Variants in SV2B observed in about 807,000 individuals in gnomAD.
SV2B encodes the protein synaptic vesicle glycoprotein 2B.
SV2B carries 41 observed loss-of-function variants against 73.9 expected under a neutral mutation model. The ratio of observed to expected loss-of-function variants is 0.56; its 90% CI spans 0.43 to 0.72. The LOEUF (loss-of-function observed/expected upper bound fraction) is 0.72. Ranked by LOEUF, SV2B falls within the 30% of genes least tolerant of loss-of-function variation. The pLI, the probability that SV2B is intolerant of heterozygous loss-of-function variation, is 0.00. For missense variants in SV2B, 764 were observed against 857.8 expected (o/e 0.89, Z 1.37); for synonymous variants, 314 against 314.2 (o/e 1.00, Z 0.01).
Position 91,267,508 on chromosome 15 carries a change from G to C in SV2B, c.1120-47G>C. The C allele has an allele frequency of 6.5e-7, 1 of 1,533,168 alleles. No individual in the cohort carries two copies. Among genetic ancestry groups the C allele is most frequent in the Admixed American group, 1.7e-5 (1 of 58,558 alleles). The allele number at this position is 1,533,168 out of a possible 1,614,324, so 95.0% of individuals were successfully genotyped here. ...ATGAGCTCTTCGTGGGAGAAACAAA[G>C]TCACACATTGCTTTCTTTAACAATC... On this transcript the variant is annotated intron_variant, in intron 7 of 12. Transcript: ENST00000394232. This position sits in a 1 kb window ranked among gnomAD's most constrained non-coding sequence, Gnocchi z 4.3.
chr15:91,115,226 G>A lies in SV2B; in HGVS notation c.-392+14863G>A, dbSNP rs562517694. On this transcript the variant is annotated intron_variant, in intron 1 of 12. Coordinates refer to ENST00000394232, the MANE Select transcript of SV2B (RefSeq NM_001323032.3). The surrounding 1 kb of genome is among the most constrained non-coding windows in gnomAD (Gnocchi z 4.3). ...GAAAATTGGAGAGTTGTTGCTGAAA[G>A]AAGAGGACATGGGTCCTGAGCAGGC... is the stretch of plus-strand genomic sequence containing the variant. Among the ~76,000 whole-genome samples, 2 of 152,350 alleles carry A rather than the reference G, an allele frequency of 1.3e-5. No individual in the cohort carries two copies. The highest frequency in any genetic ancestry group is 3.9e-4 in the East Asian group (2 of 5,194).
chr15:91,197,690 C>G lies in SV2B; in HGVS notation c.-391-28183C>G, dbSNP rs914824934. 6.6e-6 allele frequency among the ~76,000 whole-genome samples: 1 copy of G among 152,122 alleles called. No homozygotes were observed. Among genetic ancestry groups the G allele is most frequent in the Non-Finnish European group, 1.5e-5 (1 of 68,036 alleles). ...CTCCATACATGTTACAGCAAAATCT[C>G]TAAAATATAATGTTGTGCTAAAAAG... On this transcript the variant is annotated intron_variant, in intron 1 of 12. Coordinates refer to ENST00000394232, the MANE Select transcript of SV2B (RefSeq NM_001323032.3). The surrounding 1 kb of genome is among the most constrained non-coding windows in gnomAD (Gnocchi z 4.9).
At chr15:91,163,257 T>G (rs76342490) in intron 1 of SV2B, among the ~76,000 whole-genome samples, 71,438 of 152,032 alleles carry the variant, frequency 0.47, 17,104 homozygotes, top group East Asian at 0.7. Context: ...AGCATGATTT[T>G]TAACCCTTTG....
chr15:91,262,299 G>C (rs2047937148), intron 6 of SV2B, among the ~76,000 whole-genome samples: 1 of 152,192 alleles, frequency 6.6e-6, no homozygotes, highest in South Asian at 2.1e-4. Flanking sequence ...CTGGCTTGGA[G>C]TAAGTGCTAC....
chr15:91,216,053 A>T (rs757728101), intron 1 of SV2B, among the ~76,000 whole-genome samples: 1 of 152,212 alleles, frequency 6.6e-6, no homozygotes, highest in Non-Finnish European at 1.5e-5. Context: ...TAGAAAATAG[A>T]TGGATGATTC....
chr15:91,209,570 A>C (rs997423725), intron 1 of SV2B, among the ~76,000 whole-genome samples: 8 of 152,206 alleles, frequency 5.3e-5, no homozygotes, highest in Admixed American at 2.0e-4. Context: ...CTATTAGCTG[A>C]GCTTGTCAGG....
At chr15:91,250,711 A>G (rs2047449508) in intron 2 of SV2B, among the ~76,000 whole-genome samples, 1 of 152,236 alleles carries the variant, frequency 6.6e-6, no homozygotes, top group Non-Finnish European at 1.5e-5. Flanking sequence ...AATCTCATTT[A>G]CAATAACATT....
intron 1 of SV2B, among the ~76,000 whole-genome samples, chr15:91,138,065 C>G (rs1230195451): frequency 2.6e-5 from 4 of 152,080 alleles, no homozygotes; most frequent in African/African-American, 4.8e-5. Flanking sequence ...TGAAGAAAGA[C>G]AAGATTTTAT....
chr15:91,104,276 G>A (rs1379615420), intron 1 of SV2B, among the ~76,000 whole-genome samples: 3 of 152,182 alleles, frequency 2.0e-5, no homozygotes, highest in Non-Finnish European at 2.9e-5. Context: ...GTGTCTGAGG[G>A]CTGGCTGCTT....
intron 1 of SV2B, among the ~76,000 whole-genome samples, chr15:91,165,352 A>G (rs570296711): frequency 6.6e-6 from 1 of 152,312 alleles, no homozygotes; most frequent in African/African-American, 2.4e-5. Flanking sequence ...TATTTTTTTA[A>G]AGGATGGTTG....
At chr15:91,107,799 T>C (rs1300412675) in intron 1 of SV2B, among the ~76,000 whole-genome samples, 1 of 151,978 alleles carries the variant, frequency 6.6e-6, no homozygotes, top group Non-Finnish European at 1.5e-5. Flanking sequence ...TTTGTAGAGG[T>C]GGGATCTTGC....
At chr15:91,114,679 T>A (rs1055459563) in intron 1 of SV2B, among the ~76,000 whole-genome samples, 4 of 152,164 alleles carry the variant, frequency 2.6e-5, no homozygotes, top group African/African-American at 9.7e-5. Context: ...AGCTTTATGA[T>A]GAGAATCACT....
chr15:91,213,063 G>T (rs2045920011), intron 1 of SV2B, among the ~76,000 whole-genome samples: 9 of 152,036 alleles, frequency 5.9e-5, no homozygotes, highest in Admixed American at 5.9e-4. Flanking sequence ...TGAGGCAAGA[G>T]AATCACTTGA....
chr15:91,227,724 C>G lies in SV2B; in HGVS notation c.451+1010C>G, dbSNP rs1258434464. 1.3e-5 allele frequency among the ~76,000 whole-genome samples: 2 copies of G among 152,200 alleles called. No homozygotes were observed. The highest frequency in any genetic ancestry group is 6.5e-5 in the Admixed American group (1 of 15,276). On this transcript the variant is annotated intron_variant, in intron 2 of 12. Coordinates refer to ENST00000394232, the MANE Select transcript of SV2B (RefSeq NM_001323032.3). This position sits in a 1 kb window ranked among gnomAD's most constrained non-coding sequence, Gnocchi z 4.5. ...TGGGAAGAAAATAGCTTTTGTCTCT[C>G]AAATAATTTGCATGTAGTTGAACAA... is the stretch of plus-strand genomic sequence containing the variant.
At chr15:91,165,818 A>T (rs2043893901) in intron 1 of SV2B, among the ~76,000 whole-genome samples, 1 of 152,222 alleles carries the variant, frequency 6.6e-6, no homozygotes, top group Non-Finnish European at 1.5e-5. Flanking sequence ...GTTTATCCAG[A>T]TATTACCATT....
rs966727884 is a variant in SV2B, at chr15:91,258,615, G to T, written c.918+61G>T. On this transcript the variant is annotated intron_variant, in intron 5 of 12. Coordinates refer to ENST00000394232, the MANE Select transcript of SV2B (RefSeq NM_001323032.3). This position sits in a 1 kb window ranked among gnomAD's most constrained non-coding sequence, Gnocchi z 4.7. ...AAAACAGCCACAGGAACCCAGCCTC[G>T]CTTCCTTCTCTCAGCTCCTAGTCCC... 3 of 1,606,092 alleles carry T rather than the reference G, an allele frequency of 1.9e-6. No homozygotes were observed. Among genetic ancestry groups the T allele is most frequent in the Non-Finnish European group, 2.6e-6 (3 of 1,176,112 alleles).
intron 2 of SV2B, among the ~76,000 whole-genome samples, chr15:91,228,128 G>A (rs144464603): frequency 6.6e-6 from 1 of 152,236 alleles, no homozygotes; most frequent in Middle Eastern, 3.4e-3. Context: ...ATAAAAAATT[G>A]TCCCTGGGGG....
chr15:91,271,637 C>T (rs549440949), intron 9 of SV2B, among the ~76,000 whole-genome samples: 1 of 152,340 alleles, frequency 6.6e-6, no homozygotes, highest in South Asian at 2.1e-4. Flanking sequence ...AATTCCCCCA[C>T]TCCCTCCCCA....
chr15:91,141,272 G>T lies in SV2B; in HGVS notation c.-392+40909G>T, dbSNP rs933047922. On this transcript the variant is annotated intron_variant, in intron 1 of 12. Transcript: ENST00000394232. This position sits in a 1 kb window ranked among gnomAD's most constrained non-coding sequence, Gnocchi z 4.6. The stretch of plus-strand genomic sequence containing the variant: ...TTGAGTTGGGAACTGCCGATGCTGA[G>T]TTAGAGCTATTCTAGCAAGGGCGTG... 2.0e-5 allele frequency among the ~76,000 whole-genome samples: 3 copies of T among 152,236 alleles called. No individual in the cohort carries two copies. Among genetic ancestry groups the T allele is most frequent in the Non-Finnish European group, 4.4e-5 (3 of 68,046 alleles).
Sources: allele counts gnomAD v4.1 joint callset (sites outside exome capture counted in the v4.1 genomes callset), GRCh38; gene constraint gnomAD v4.1.1; non-coding constraint Gnocchi (gnomAD v3.1); transcripts MANE v1.5; gene names NCBI Gene and HGNC (gene_info 2026-07-23, HGNC 2026-07-21).